CADPS: variants seen among roughly 807,000 people sequenced by gnomAD.
CADPS encodes the protein calcium-dependent secretion activator 1.
In CADPS, 57 loss-of-function variants were observed where a neutral mutation model predicts 167.3. That is an observed-to-expected ratio of 0.34 (90% confidence interval 0.28 to 0.42). CADPS has a LOEUF of 0.42. Among genes scored for constraint, CADPS ranks in the 20% least tolerant of loss-of-function variants. CADPS has a pLI of 1.00. For synonymous variants in CADPS, 676 were observed against 635.3 expected (o/e 1.06, Z -0.96); for missense variants, 1,414 against 1,738.1 (o/e 0.81, Z 3.32).
chr3:62,678,224 C>T (rs1481723694), intron 3 of CADPS, among the ~76,000 whole-genome samples: 2 of 151,788 alleles, frequency 1.3e-5, no homozygotes, highest in African/African-American at 2.4e-5. Flanking sequence ...TGCACAGAGC[C>T]GAATCAGAAT....
chr3:62,598,112 C>T (rs2059182376), intron 6 of CADPS, among the ~76,000 whole-genome samples: 1 of 152,180 alleles, frequency 6.6e-6, no homozygotes, highest in African/African-American at 2.4e-5. Flanking sequence ...CATGGGATGT[C>T]ACAAACACAA....
chr3:62,600,265 G>A (rs764202264), intron 6 of CADPS, among the ~76,000 whole-genome samples: 13 of 151,654 alleles, frequency 8.6e-5, no homozygotes, highest in Non-Finnish European at 1.0e-4. Flanking sequence ...GTCAATCCAT[G>A]AAGGCTGAGG....
At chr3:62,703,328 T>C (rs2081759484) in intron 3 of CADPS, among the ~76,000 whole-genome samples, 1 of 152,154 alleles carries the variant, frequency 6.6e-6, no homozygotes, top group Non-Finnish European at 1.5e-5. Flanking sequence ...AGTCACTTAA[T>C]CCAGGGAGGG....
chr3:62,780,289 A>G (rs527654737), intron 1 of CADPS, among the ~76,000 whole-genome samples: 198 of 152,316 alleles, frequency 1.3e-3, no homozygotes, highest in African/African-American at 4.7e-3. Context: ...ATAGTGGTGC[A>G]TGACTGTGGT....
intron 26 of CADPS, among the ~76,000 whole-genome samples, chr3:62,448,987 A>C (rs2057651868): frequency 6.6e-6 from 1 of 152,212 alleles, no homozygotes; most frequent in Non-Finnish European, 1.5e-5. Context: ...TCTATAAGGA[A>C]AGTGAAAGAA....
At chr3:62,518,901 A>C (rs1196053107) in intron 13 of CADPS, among the ~76,000 whole-genome samples, 1 of 152,182 alleles carries the variant, frequency 6.6e-6, no homozygotes, top group African/African-American at 2.4e-5. Flanking sequence ...GTATTCGTTG[A>C]AGAACAAACC....
chr3:62,575,317 T>C (rs2082056253), intron 8 of CADPS, among the ~76,000 whole-genome samples: 1 of 152,244 alleles, frequency 6.6e-6, no homozygotes, highest in Non-Finnish European at 1.5e-5. Context: ...AGTCACTTTA[T>C]GTGAATTTAT....
chr3:62,555,935 G>T (rs1180649773), intron 10 of CADPS, among the ~76,000 whole-genome samples: 1 of 151,852 alleles, frequency 6.6e-6, no homozygotes, highest in Non-Finnish European at 1.5e-5. Flanking sequence ...TAATTTTTTT[G>T]TATAGATGAT....
chr3:62,449,001 G>T (rs1223159433), intron 26 of CADPS, among the ~76,000 whole-genome samples: 1 of 152,228 alleles, frequency 6.6e-6, no homozygotes, highest in Non-Finnish European at 1.5e-5. Context: ...GAAAGAAAAG[G>T]CATCTTGCCT....
At chr3:62,725,061 G>T (rs888737176) in intron 3 of CADPS, among the ~76,000 whole-genome samples, 8 of 152,192 alleles carry the variant, frequency 5.3e-5, no homozygotes, top group African/African-American at 1.7e-4. Context: ...CCAGTTTTCT[G>T]CCTTTGCTTC....
At chr3:62,764,669 T>C (rs928817377) in intron 2 of CADPS, among the ~76,000 whole-genome samples, 2 of 152,236 alleles carry the variant, frequency 1.3e-5, no homozygotes, top group Admixed American at 1.3e-4. Flanking sequence ...TATCAGGATT[T>C]TGCCTCTACC....
At chr3:62,760,908 AC>A (rs2085249057) in intron 2 of CADPS, among the ~76,000 whole-genome samples, 1 of 151,910 alleles carries the variant, frequency 6.6e-6, no homozygotes, top group South Asian at 2.1e-4. Flanking sequence ...TCTTCCAAGA[AC>A]CCCTTTCTCA....
chr3:62,416,306 T>C (rs2050050929), intron 28 of CADPS, among the ~76,000 whole-genome samples: 1 of 152,250 alleles, frequency 6.6e-6, no homozygotes, highest in South Asian at 2.1e-4. Context: ...TGTGCTTTAA[T>C]GCTCATGAGA....
At chr3:62,556,670 T>A (rs973781818) in intron 10 of CADPS, among the ~76,000 whole-genome samples, 3 of 152,048 alleles carry the variant, frequency 2.0e-5, no homozygotes, top group Non-Finnish European at 4.4e-5. Flanking sequence ...GAGGCTGATT[T>A]CTATTCATTT....
chr3:62,670,139 A>C (rs991461131), intron 3 of CADPS, among the ~76,000 whole-genome samples: 1 of 152,198 alleles, frequency 6.6e-6, no homozygotes, highest in African/African-American at 2.4e-5. Context: ...CAGCTGCTGC[A>C]CTAAAATAAC....
chr3:62,809,368 C>T (rs1463999228), intron 1 of CADPS, among the ~76,000 whole-genome samples: 1 of 152,182 alleles, frequency 6.6e-6, no homozygotes, highest in Non-Finnish European at 1.5e-5. Context: ...ACTACCTTTG[C>T]CCTCTTTTAC....
chr3:62,575,541 T>C (rs1310627416), intron 8 of CADPS, among the ~76,000 whole-genome samples: 1 of 152,196 alleles, frequency 6.6e-6, no homozygotes, highest in Non-Finnish European at 1.5e-5. Context: ...AAGTAAATAC[T>C]TGCTATTAGA....
intron 3 of CADPS, among the ~76,000 whole-genome samples, chr3:62,668,797 T>C (rs1193644419): frequency 6.6e-6 from 1 of 152,166 alleles, no homozygotes; most frequent in Admixed American, 6.5e-5. Context: ...GAGTGGGCTC[T>C]GGGTAAATGC....
chr3:62,795,959 G>A (rs1485697377), intron 1 of CADPS, among the ~76,000 whole-genome samples: 1 of 152,210 alleles, frequency 6.6e-6, no homozygotes. Flanking sequence ...CACTCTACAT[G>A]ATTAAATGTT....
Sources: allele counts gnomAD v4.1 joint callset (sites outside exome capture counted in the v4.1 genomes callset), GRCh38; gene constraint gnomAD v4.1.1; transcripts MANE v1.5; gene names NCBI Gene and HGNC (gene_info 2026-07-23, HGNC 2026-07-21).